SPRED1: variants seen among roughly 807,000 people sequenced by gnomAD.
The protein encoded by SPRED1 is sprouty-related, EVH1 domain-containing protein 1.
SPRED1 carries 18 observed loss-of-function variants against 52.3 expected under a neutral mutation model. The observed-to-expected ratio is 0.34, with a 90% CI of 0.24 to 0.51. The LOEUF (loss-of-function observed/expected upper bound fraction) is 0.51, where lower values mean the gene tolerates loss of function less well. Ranked by LOEUF, SPRED1 falls within the 20% of genes least tolerant of loss-of-function variation. SPRED1 has a pLI of 0.97. For synonymous variants in SPRED1, 155 were observed against 179.7 expected, an observed-to-expected ratio of 0.86 and a Z score of 1.10; for missense variants, 485 against 551.0, an observed-to-expected ratio of 0.88 and a Z score of 1.20.
intron 2 of SPRED1, among the ~76,000 whole-genome samples, chr15:38,312,296 ATCC>A (rs1895385597): frequency 6.6e-6 from 1 of 152,124 alleles, no homozygotes. Context: ...AATTATAGAA[ATCC>A]AGTGAGAGAA....
At chr15:38,272,397 T>A (rs1829809) in intron 1 of SPRED1, among the ~76,000 whole-genome samples, 13,795 of 151,486 alleles carry the variant, frequency 0.091, 759 homozygotes, top group East Asian at 0.21. Flanking sequence ...GCCTCCCAAG[T>A]AGTTGGGATT....
intron 1 of SPRED1, among the ~76,000 whole-genome samples, chr15:38,256,453 C>T (rs1187210156): frequency 2.0e-5 from 3 of 152,106 alleles, no homozygotes; most frequent in Admixed American, 2.0e-4. Flanking sequence ...TATAGCACTG[C>T]ATGTCCTTTT....
At chr15:38,267,298 A>G (rs1366483938) in intron 1 of SPRED1, among the ~76,000 whole-genome samples, 1 of 152,206 alleles carries the variant, frequency 6.6e-6, no homozygotes, top group East Asian at 1.9e-4. Context: ...TATCTCTTTA[A>G]AGAACACTTT....
intron 1 of SPRED1, among the ~76,000 whole-genome samples, chr15:38,259,713 A>G (rs904394409): frequency 2.6e-5 from 4 of 152,182 alleles, no homozygotes; most frequent in African/African-American, 9.7e-5. Flanking sequence ...TAGGTCACTT[A>G]TACAAATCAG....
chr15:38,266,849 AT>A lies in SPRED1; in HGVS notation c.32+13634del, dbSNP rs202131082. Among the ~76,000 whole-genome samples, 97 of 143,234 alleles carry A rather than the reference AT, an allele frequency of 6.8e-4. 2 individuals carry two copies. The East Asian group carries it at 0.018, about 27-fold the overall frequency. 94.0% of individuals were successfully genotyped at this position (143,234 alleles called of 152,430 possible). A position where few individuals can be genotyped will look rare whatever the true frequency, so the allele number is the denominator to read the frequency against. On this transcript the variant is annotated intron_variant, in intron 1 of 6. Transcript: ENST00000299084. ...AGTGAGCCAAAAAGAAAAAAAAAAA[AT>A]TATTGGATGTTGTATATAGACTCTA... is the stretch of plus-strand genomic sequence containing the variant.
At chr15:38,306,434 C>G (rs1895250989) in intron 2 of SPRED1, among the ~76,000 whole-genome samples, 1 of 152,126 alleles carries the variant, frequency 6.6e-6, no homozygotes, top group African/African-American at 2.4e-5. Context: ...TGGGTTAAAG[C>G]ACCTTGGACA....
At chr15:38,310,115 TTGTGTGTGTGTG>T (rs767218956) in intron 2 of SPRED1, among the ~76,000 whole-genome samples, 2 of 23,164 alleles carry the variant, frequency 8.6e-5, no homozygotes, top group Non-Finnish European at 1.2e-4. Context: ...AGACTATTCT[TTGTGTGTGTGTG>T]TGTGTGTGTG....
intron 1 of SPRED1, among the ~76,000 whole-genome samples, chr15:38,258,749 G>A (rs997642288): frequency 1.3e-5 from 2 of 152,000 alleles, no homozygotes; most frequent in African/African-American, 2.4e-5. Flanking sequence ...GTTGTTTTGC[G>A]GTAACTAGAA....
intron 1 of SPRED1, among the ~76,000 whole-genome samples, chr15:38,279,002 A>G (rs1245879679): frequency 7.9e-5 from 12 of 151,660 alleles, no homozygotes; most frequent in African/African-American, 2.9e-4. Flanking sequence ...TAATTTTTGT[A>G]TTTTTACTAG....
At chr15:38,285,427 A>G (rs1194918139) in intron 1 of SPRED1, among the ~76,000 whole-genome samples, 10 of 152,212 alleles carry the variant, frequency 6.6e-5, no homozygotes, top group Non-Finnish European at 1.3e-4. Flanking sequence ...CCATTGAGAA[A>G]GTGATATTTC....
chr15:38,265,177 CAT>C (rs1894282628), intron 1 of SPRED1, among the ~76,000 whole-genome samples: 1 of 152,140 alleles, frequency 6.6e-6, no homozygotes, highest in Non-Finnish European at 1.5e-5. Flanking sequence ...AGCATTAAGA[CAT>C]TGGCAAATAA....
intron 1 of SPRED1, among the ~76,000 whole-genome samples, chr15:38,259,760 A>G (rs1894170423): frequency 6.6e-6 from 1 of 152,252 alleles, no homozygotes; most frequent in Non-Finnish European, 1.5e-5. Context: ...TATTAGTTTA[A>G]GAAGTTAACT....
intron 5 of SPRED1, among the ~76,000 whole-genome samples, chr15:38,345,735 T>C (rs1358980702): frequency 6.6e-6 from 1 of 152,180 alleles, no homozygotes; most frequent in Admixed American, 6.5e-5. Flanking sequence ...TCTTTTGTAA[T>C]GACTTTTAGT....
rs962222818 is a variant in SPRED1, at chr15:38,255,188, A to G, written c.32+1971A>G. ...TAGTGCGTTCCACTGCTATTACAGTAAATTGAGAAAATACTCCCAGTGATT... is the reference window on the plus strand; with the variant it reads ...TAGTGCGTTCCACTGCTATTACAGTGAATTGAGAAAATACTCCCAGTGATT... On this transcript the variant is annotated intron_variant, in intron 1 of 6. Coordinates refer to ENST00000299084, the MANE Select transcript of SPRED1 (RefSeq NM_152594.3). 1.4e-4 allele frequency among the ~76,000 whole-genome samples: 21 copies of G among 152,308 alleles called. 1 individual carries two copies. The South Asian group carries it at 4.3e-3, about 32-fold the overall frequency.
Position 38,351,759 on chromosome 15 carries a change from G to A in SPRED1, c.*95G>A. ...CTTTTGGCAAGCAATATGGAATCTT[G>A]CCTGGTATCATTGAGCCCACACATG... On this transcript the variant is annotated 3_prime_UTR_variant, in exon 7 of 7. Coordinates refer to ENST00000299084, the MANE Select transcript of SPRED1 (RefSeq NM_152594.3). 1 of 1,447,266 alleles carries A rather than the reference G, an allele frequency of 6.9e-7. No homozygotes were observed. The highest frequency in any genetic ancestry group is 9.4e-7 in the Non-Finnish European group (1 of 1,059,124). The allele number at this position is 1,447,266 out of a possible 1,614,324, so 89.7% of individuals were successfully genotyped here. A position where few individuals can be genotyped will look rare whatever the true frequency, so the allele number is the denominator to read the frequency against.
At chr15:38,272,276 G>GTTTTTTTGTT (rs1555387948) in intron 1 of SPRED1, among the ~76,000 whole-genome samples, 2 of 131,426 alleles carry the variant, frequency 1.5e-5, no homozygotes, top group African/African-American at 5.5e-5. Context: ...CGAATGCTAG[G>GTTTTTTTGTT]TTTTTTTTTT....
intron 1 of SPRED1, among the ~76,000 whole-genome samples, chr15:38,286,006 G>C (rs543430526): frequency 7.9e-5 from 12 of 152,176 alleles, no homozygotes; most frequent in Middle Eastern, 3.4e-3. Context: ...CACTTTGGGA[G>C]GCCAAGGAGG....
chr15:38,281,212 A>C (rs998823433), intron 1 of SPRED1, among the ~76,000 whole-genome samples: 14 of 152,218 alleles, frequency 9.2e-5, no homozygotes, highest in Admixed American at 9.2e-4. Context: ...AGAACTTCCT[A>C]CTGATGTGAT....
Position 38,354,771 on chromosome 15 carries a change from T to G in SPRED1, c.*3107T>G, listed in dbSNP as rs1469746576. On this transcript the variant is annotated 3_prime_UTR_variant, in exon 7 of 7. Coordinates refer to ENST00000299084, the MANE Select transcript of SPRED1 (RefSeq NM_152594.3). ...TGATATTTGGGACTGGCAATCAAACTTAATGGATGTACTGAGGCATTTATA... is the reference window on the plus strand; with the variant it reads ...TGATATTTGGGACTGGCAATCAAACGTAATGGATGTACTGAGGCATTTATA... 4 of 152,238 alleles carry G rather than the reference T, an allele frequency of 2.6e-5. No individual in the cohort carries two copies. The highest frequency in any genetic ancestry group is 9.6e-5 in the African/African-American group (4 of 41,466). 9.4% of individuals were successfully genotyped at this position (152,238 alleles called of 1,614,324 possible). A position where few individuals can be genotyped will look rare whatever the true frequency, so the allele number is the denominator to read the frequency against.
Sources: allele counts gnomAD v4.1 joint callset (sites outside exome capture counted in the v4.1 genomes callset), GRCh38; gene constraint gnomAD v4.1.1; transcripts MANE v1.5; gene names NCBI Gene and HGNC (gene_info 2026-07-23, HGNC 2026-07-21).